The following LPP variants were observed in gnomAD, a reference collection of about 807,000 sequenced individuals.
LPP encodes the protein lipoma-preferred partner.
A neutral mutation model predicts 60.4 loss-of-function variants in LPP; 38 were observed. The observed-to-expected ratio is 0.63, with a 90% CI of 0.49 to 0.83. The LOEUF (loss-of-function observed/expected upper bound fraction) is 0.83. LPP is among the 40% of genes least tolerant of loss of function. LPP has a pLI of 0.00. For synonymous variants in LPP, 328 were observed against 290.8 expected (o/e 1.13, Z -1.30); for missense variants, 902 against 783.6 (o/e 1.15, Z -1.80).
chr3:188,483,191 G>T (rs1299268605), intron 4 of LPP, among the ~76,000 whole-genome samples: 2 of 152,186 alleles, frequency 1.3e-5, no homozygotes, highest in Non-Finnish European at 2.9e-5. Context: ...AGACCTGACA[G>T]TTCTTGGCTT....
chr3:188,680,857 T>C (rs1014730775), intron 7 of LPP, among the ~76,000 whole-genome samples: 4 of 152,200 alleles, frequency 2.6e-5, no homozygotes, highest in African/African-American at 9.6e-5. Flanking sequence ...GTTTTATCTT[T>C]CATACTCAGC....
intron 9 of LPP, among the ~76,000 whole-genome samples, chr3:188,842,755 T>C (rs1191828286): frequency 6.6e-6 from 1 of 152,150 alleles, no homozygotes; most frequent in African/African-American, 2.4e-5. Context: ...ATTTTTCTCA[T>C]TTTTCATTGA....
At chr3:188,608,328 A>C (rs1842923086) in intron 6 of LPP, among the ~76,000 whole-genome samples, 1 of 152,220 alleles carries the variant, frequency 6.6e-6, no homozygotes, top group South Asian at 2.1e-4. Flanking sequence ...TCTCATCTTT[A>C]AATCATTAAC....
intron 1 of LPP, chr3:188,178,589 T>C (rs1006676216): frequency 2.0e-5 from 3 of 152,322 alleles, no homozygotes; most frequent in African/African-American, 7.2e-5. Context: ...TATGGTTCTC[T>C]TAACTTCAGG....
intron 3 of LPP, among the ~76,000 whole-genome samples, chr3:188,356,164 G>A (rs1036572606): frequency 2.0e-5 from 3 of 152,116 alleles, no homozygotes; most frequent in Non-Finnish European, 4.4e-5. Flanking sequence ...GTTGAACTTG[G>A]ACACATTTTT....
intron 2 of LPP, among the ~76,000 whole-genome samples, chr3:188,294,276 T>A (rs2150076757): frequency 6.6e-6 from 1 of 152,076 alleles, no homozygotes; most frequent in East Asian, 1.9e-4. Context: ...GTGGTGATGA[T>A]TGCACAACAC....
chr3:188,240,370 T>C (rs923191160), intron 2 of LPP, among the ~76,000 whole-genome samples: 5 of 147,474 alleles, frequency 3.4e-5, no homozygotes, highest in East Asian at 3.9e-4. Context: ...TGTGTGTGTG[T>C]GTGTGTGAGA....
rs1409318905 is a variant in LPP, at chr3:188,458,544, C to T, written c.194-26048C>T. Reference sequence around the variant, plus strand: ...AAGGGATGAGATTACTATAATGTACCGCCAGGAATATATTATCCAGCTTCA... The same window carrying T: ...AAGGGATGAGATTACTATAATGTACTGCCAGGAATATATTATCCAGCTTCA... On this transcript the variant is annotated intron_variant, in intron 4 of 11. Transcript: ENST00000617246. 3.3e-5 allele frequency among the ~76,000 whole-genome samples: 5 copies of T among 152,024 alleles called. No individual in the cohort carries two copies. The South Asian group carries it at 6.2e-4, about 19-fold the overall frequency.
intron 9 of LPP, among the ~76,000 whole-genome samples, chr3:188,808,274 G>A (rs1749778913): frequency 6.6e-6 from 1 of 151,936 alleles, no homozygotes; most frequent in Non-Finnish European, 1.5e-5. Flanking sequence ...TTGCACTGTT[G>A]GTGGGAATGT....
At chr3:188,293,756 T>C (rs1175605910) in intron 2 of LPP, among the ~76,000 whole-genome samples, 3 of 152,184 alleles carry the variant, frequency 2.0e-5, no homozygotes, top group Admixed American at 1.3e-4. Flanking sequence ...GAAAACATTA[T>C]GGCAAAGTGA....
chr3:188,657,559 C>T (rs1360921568), intron 7 of LPP, among the ~76,000 whole-genome samples: 1 of 151,888 alleles, frequency 6.6e-6, no homozygotes, highest in Admixed American at 6.6e-5. Context: ...TATCTTTGAA[C>T]AGCTTCCCAT....
chr3:188,195,631 C>T (rs901472548), intron 1 of LPP, among the ~76,000 whole-genome samples: 17 of 152,156 alleles, frequency 1.1e-4, no homozygotes, highest in Admixed American at 3.9e-4. Flanking sequence ...TGAGATGTGC[C>T]GTTAAGTATA....
rs188801336 is a variant in LPP, at chr3:188,482,640, G to A, written c.194-1952G>A. On this transcript the variant is annotated intron_variant, in intron 4 of 11. Coordinates refer to ENST00000617246, the MANE Select transcript of LPP (RefSeq NM_001375462.1). ...ATGGAATTTGGACATCAGCATTTTC[G>A]AATGTGTTTCTTTGGTGATTCTGGT... Among the ~76,000 whole-genome samples, 12 of 152,182 alleles carry A rather than the reference G, an allele frequency of 7.9e-5. No homozygotes were observed. The East Asian group carries it at 1.9e-3, about 24-fold the overall frequency.
chr3:188,398,349 C>T (rs1781450861), intron 3 of LPP, among the ~76,000 whole-genome samples: 1 of 152,218 alleles, frequency 6.6e-6, no homozygotes. Flanking sequence ...AGTGACTGAG[C>T]TAGATAGAAA....
intron 4 of LPP, among the ~76,000 whole-genome samples, chr3:188,483,012 T>C (rs1395455520): frequency 1.3e-5 from 2 of 152,186 alleles, no homozygotes; most frequent in African/African-American, 4.8e-5. Flanking sequence ...TCCAGAGATA[T>C]TGATGAACTC....
At chr3:188,219,109 C>T (rs1261870404) in intron 1 of LPP, among the ~76,000 whole-genome samples, 2 of 152,156 alleles carry the variant, frequency 1.3e-5, no homozygotes, top group Admixed American at 1.3e-4. Flanking sequence ...TGTTAGCCTG[C>T]GTGTAGGAAT....
chr3:188,177,254 G>C (rs1462107837), intron 1 of LPP, among the ~76,000 whole-genome samples: 1 of 152,204 alleles, frequency 6.6e-6, no homozygotes, highest in East Asian at 1.9e-4. Context: ...TTTCATGGCA[G>C]GGTCCCCCTG....
At chr3:188,787,444 A>G (rs1742307964) in intron 9 of LPP, among the ~76,000 whole-genome samples, 1 of 152,124 alleles carries the variant, frequency 6.6e-6, no homozygotes, top group African/African-American at 2.4e-5. Context: ...ACACACACAC[A>G]TACATCTAAG....
Position 188,658,542 on chromosome 3 carries a change from C to G in LPP, c.1113+48698C>G, listed in dbSNP as rs145440483. 4.2e-4 allele frequency among the ~76,000 whole-genome samples: 64 copies of G among 152,306 alleles called. 1 individual carries two copies. Among genetic ancestry groups the G allele is most frequent in the African/African-American group, 1.5e-3 (62 of 41,572 alleles). On this transcript the variant is annotated intron_variant, in intron 7 of 11. Coordinates refer to ENST00000617246, the MANE Select transcript of LPP (RefSeq NM_001375462.1). Reference sequence around the variant, plus strand: ...TCTCTCAATCCTACTTCACGAAAGACACTCTTGGCTGCTTCTTCCTGGCAT... The same window carrying G: ...TCTCTCAATCCTACTTCACGAAAGAGACTCTTGGCTGCTTCTTCCTGGCAT...
Sources: gnomAD v4.1 joint callset for allele counts (sites outside exome capture counted in the v4.1 genomes callset) on GRCh38, gnomAD v4.1.1 for gene constraint, MANE v1.5 for transcripts, NCBI Gene and HGNC (gene_info 2026-07-23, HGNC 2026-07-21) for gene names.